KLHL30: variants seen among roughly 807,000 people sequenced by gnomAD.
KLHL30 encodes the protein kelch like family member 30.
In KLHL30, 55 loss-of-function variants were observed where a neutral mutation model predicts 55.0. The observed-to-expected ratio is 1.00, with a 90% CI of 0.80 to 1.25. KLHL30 has a LOEUF of 1.25. Among genes scored for constraint, KLHL30 ranks in the 50% most tolerant of loss-of-function variants. KLHL30 has a pLI of 0.00. For missense variants in KLHL30, 786 were observed against 811.6 expected (o/e 0.97, Z 0.38); for synonymous variants, 356 against 372.6 (o/e 0.96, Z 0.51).
chr2:238,146,862 A>C (rs1285338266), intron 5 of KLHL30, among the ~76,000 whole-genome samples: 1 of 151,886 alleles, frequency 6.6e-6, no homozygotes, highest in Non-Finnish European at 1.5e-5. Context: ...TCTACTAAAA[A>C]TACAAAAATT....
At chr2:238,141,990 C>T (rs1444597446) in intron 2 of KLHL30, among the ~76,000 whole-genome samples, 1 of 152,240 alleles carries the variant, frequency 6.6e-6, no homozygotes, top group Non-Finnish European at 1.5e-5. Context: ...GGAGGTGCAG[C>T]TTGTGCACAG....
chr2:238,145,673 G>A lies in KLHL30; in HGVS notation c.995-4G>A, dbSNP rs759900947. On this transcript the variant is annotated splice_polypyrimidine_tract_variant and splice_region_variant and intron_variant, in intron 4 of 7. Transcript: ENST00000409223. ...ACCCATGTAGACAGAACTTCTCCCGGCAGGTGGCTCTCGGGGCACAAAGAC... is the reference window on the plus strand; with the variant it reads ...ACCCATGTAGACAGAACTTCTCCCGACAGGTGGCTCTCGGGGCACAAAGAC... 16 of 1,572,248 alleles carry A rather than the reference G, an allele frequency of 1.0e-5. No homozygotes were observed. The South Asian group carries it at 1.9e-4, about 18-fold the overall frequency.
chr2:238,141,797 C>T lies in KLHL30; in HGVS notation c.774+269C>T, dbSNP rs114671348. Among the ~76,000 whole-genome samples, 745 of 152,326 alleles carry T rather than the reference C, an allele frequency of 4.9e-3. 2 individuals carry two copies. Among genetic ancestry groups the T allele is most frequent in the African/African-American group, 0.017 (714 of 41,562 alleles). ...GGCCCTGTCCTGAAGGAGCCTGCAG[C>T]TCAGTGGGACAAGCCTGGAAACAGA... On this transcript the variant is annotated intron_variant, in intron 2 of 7. Coordinates refer to ENST00000409223, the MANE Select transcript of KLHL30 (RefSeq NM_198582.4).
At chr2:238,142,698 G>T in intron 2 of KLHL30, 101 bp from the exon 3 acceptor site, 4 of 1,150,984 alleles carry the variant, frequency 3.5e-6, no homozygotes, top group Non-Finnish European at 3.4e-6. Flanking sequence ...CAACATGCAA[G>T]CACACATGCA....
chr2:238,148,622 C>T (rs905283993), intron 6 of KLHL30, among the ~76,000 whole-genome samples: 30 of 144,754 alleles, frequency 2.1e-4, no homozygotes, highest in Non-Finnish European at 3.7e-4. Context: ...GCAAGGCCCA[C>T]CTGGGTACCA....
intron 3 of KLHL30, 149 bp downstream of exon 3, chr2:238,143,080 C>T: frequency 9.7e-7 from 1 of 1,030,948 alleles, no homozygotes; most frequent in Non-Finnish European, 1.3e-6. Flanking sequence ...GGGTGGGCCT[C>T]ACCTGGGGGC....
At position 238,149,044 on chromosome 2, in the gene KLHL30, G is replaced by C. The variant is rs1269103766; in HGVS notation, c.1377G>C (p.Lys459Asn). ...WSVIASPFLP[K>N]YLSSPRCAAL... ...TGATCGCCTCGCCCTTCCTGCCCAA[G>C]TACCTGTCCTCGCCTCGCTGTGCTG... Residue 459 changes from lysine to asparagine, a missense_variant, in exon 7 of 8, where the codon AAG becomes AAC. Lys to Asn is a moderately conservative substitution (Grantham distance 94). Coordinates refer to ENST00000409223, the MANE Select transcript of KLHL30 (RefSeq NM_198582.4). 6.2e-7 allele frequency: 1 copy of C among 1,612,768 alleles called. No individual in the cohort carries two copies. Among genetic ancestry groups the C allele is most frequent in the Non-Finnish European group, 8.5e-7 (1 of 1,179,630 alleles).
chr2:238,140,324 C>T (rs1004150906), intron 1 of KLHL30, among the ~76,000 whole-genome samples: 8 of 152,174 alleles, frequency 5.3e-5, no homozygotes, highest in African/African-American at 1.9e-4. Flanking sequence ...GGACGCCTCC[C>T]GGGAGTTTGG....
rs1052358298 is a variant in KLHL30 at position 238,147,629 on chromosome 2, A to G, written c.1151-205A>G. Among the ~76,000 whole-genome samples, 1 of 152,050 alleles carries G rather than the reference A, an allele frequency of 6.6e-6. No homozygotes were observed. Among genetic ancestry groups the G allele is most frequent in the Admixed American group, 6.5e-5 (1 of 15,280 alleles). On this transcript the variant is annotated intron_variant, in intron 5 of 7. Transcript: ENST00000409223. This position sits in a 1 kb window ranked among gnomAD's most constrained non-coding sequence, Gnocchi z 5.8. ...CAGGAGTGGGGCATTTCTAGGCCCG[A>G]GTGTCCACCCCCACCCCCACCACTT...
intron 1 of KLHL30, among the ~76,000 whole-genome samples, chr2:238,139,824 C>T (rs187487402): frequency 1.4e-4 from 22 of 152,370 alleles, no homozygotes; most frequent in Non-Finnish European, 2.1e-4. Flanking sequence ...AAGGCTTGTG[C>T]ACAGACTTGA....
At position 238,142,794 on chromosome 2, in the gene KLHL30, C is replaced by T; in HGVS notation, c.775-5C>T. The T allele has an allele frequency of 7.2e-7, 1 of 1,392,336 alleles. No individual in the cohort carries two copies. Among genetic ancestry groups the T allele is most frequent in the East Asian group, 2.9e-5 (1 of 33,992 alleles). 86.2% of individuals were successfully genotyped at this position (1,392,336 alleles called of 1,614,324 possible). On this transcript the variant is annotated splice_polypyrimidine_tract_variant and splice_region_variant and intron_variant, in intron 2 of 7. Transcript: ENST00000409223. ...TTGCCCTGACCCTGGCCTCCCACCC[C>T]ACAGGCACCACTCGCCCTCCAGCAG...
At chr2:238,149,267 C>T (rs1430831460) in intron 7 of KLHL30, 115 bp downstream of exon 7, 15 of 1,398,740 alleles carry the variant, frequency 1.1e-5, no homozygotes, top group Non-Finnish European at 1.4e-5. Flanking sequence ...GCGAAGGGGA[C>T]AGCGCAGGCT....
intron 3 of KLHL30, among the ~76,000 whole-genome samples, chr2:238,144,642 T>C (rs1692615654): frequency 6.7e-6 from 1 of 149,786 alleles, no homozygotes; most frequent in South Asian, 2.1e-4. Flanking sequence ...CTCCAAAACC[T>C]TGCTGCTTCT....
chr2:238,142,740 G>A, intron 2 of KLHL30, 59 bp from the exon 3 acceptor site: 1 of 1,336,246 alleles, frequency 7.5e-7, no homozygotes. Flanking sequence ...AGGACACGCG[G>A]GGGCTCAGGG....
Position 238,142,938 on chromosome 2 carries a change from A to G in KLHL30, c.907+7A>G. ...TTCTACAACAGCAAGGCCAGTGAGT[A>G]CCCCTCCCGCGTCCAGACCCACCTG... On this transcript the variant is annotated splice_region_variant and intron_variant, in intron 3 of 7. Transcript: ENST00000409223. The G allele has an allele frequency of 1.3e-6, 2 of 1,504,982 alleles. No individual in the cohort carries two copies. Among genetic ancestry groups the G allele is most frequent in the African/African-American group, 1.5e-5 (1 of 67,878 alleles). The allele number at this position is 1,504,982 out of a possible 1,614,324, so 93.2% of individuals were successfully genotyped here.
chr2:238,139,291 A>G (rs1692487136), intron 1 of KLHL30, among the ~76,000 whole-genome samples: 1 of 152,216 alleles, frequency 6.6e-6, no homozygotes, highest in African/African-American at 2.4e-5. Context: ...GCGGTGGCCC[A>G]GGGACAGCCC....
intron 3 of KLHL30, among the ~76,000 whole-genome samples, chr2:238,144,420 AAGGAAGGAAGGAAGGCAGGCAGGC>A (rs1463446722): frequency 0.012 from 1,170 of 98,442 alleles, 12 homozygotes; most frequent in African/African-American, 0.037. Context: ...GGAAGGAAGG[AAGGAAGGAAGGAAGGCAGGCAGGC>A]AGGCAGGCAG....
Position 238,150,877 on chromosome 2 carries a change from G to A in KLHL30, c.1549G>A (p.Val517Met), listed in dbSNP as rs757030716. The A allele has an allele frequency of 2.2e-5, 35 of 1,597,072 alleles. No homozygotes were observed. The highest frequency in any genetic ancestry group is 1.4e-4 in the Admixed American group (8 of 57,894). The change falls in exon 8 of 8, where the codon GTG becomes ATG. Residue 517 changes from valine to methionine, a missense_variant. Physicochemically the swap from Val to Met is conservative, Grantham distance 21 (BLOSUM62 1). Coordinates refer to ENST00000409223, the MANE Select transcript of KLHL30 (RefSeq NM_198582.4). ...GGTGCCACTGGGTGATGCGCTGTAC[G>A]TGACGGGCGGCCGCTGGCAGGGCAT... Reference protein sequence around the residue: ...ALVPLGDALYVTGGRWQGMEG... With the variant: ...ALVPLGDALYMTGGRWQGMEG...
chr2:238,142,908 T>C lies in KLHL30; in HGVS notation c.884T>C (p.Phe295Ser). 4 of 1,506,348 alleles carry C rather than the reference T, an allele frequency of 2.7e-6. No individual in the cohort carries two copies. In the South Asian group the frequency reaches 5.4e-5, roughly 20 times the overall value. 93.3% of individuals were successfully genotyped at this position (1,506,348 alleles called of 1,614,324 possible). A position where few individuals can be genotyped will look rare whatever the true frequency, so the allele number is the denominator to read the frequency against. Reference sequence around the variant, plus strand: ...GAGCCCACCCCCGGCCTTGGGAACTTTGCCTTCTACAACAGCAAGGCCAGT... The same window carrying C: ...GAGCCCACCCCCGGCCTTGGGAACTCTGCCTTCTACAACAGCAAGGCCAGT... ...GEEPTPGLGN[F>S]AFYNSKAKRW... is the part of the protein sequence containing the mutation. Residue 295 changes from phenylalanine to serine, a missense_variant, in exon 3 of 8, where the codon TTT (phenylalanine) becomes TCT (serine). Phe to Ser is a radical substitution (Grantham distance 155, BLOSUM62 -2). Coordinates refer to ENST00000409223, the MANE Select transcript of KLHL30 (RefSeq NM_198582.4).
Sources: allele counts gnomAD v4.1 joint callset (sites outside exome capture counted in the v4.1 genomes callset), GRCh38; gene constraint gnomAD v4.1.1; non-coding constraint Gnocchi (gnomAD v3.1); transcripts MANE v1.5; gene names NCBI Gene and HGNC (gene_info 2026-07-23, HGNC 2026-07-21).